Variants in GABRG3 observed in about 807,000 individuals in gnomAD.
The protein encoded by GABRG3 is gamma-aminobutyric acid receptor subunit gamma-3.
GABRG3 carries 25 observed loss-of-function variants against 48.8 expected under a neutral mutation model. The observed-to-expected ratio is 0.51, with a 90% CI of 0.37 to 0.72. GABRG3 has a LOEUF of 0.72. GABRG3 is among the 30% of genes least tolerant of loss of function. The pLI, the probability that GABRG3 is intolerant of heterozygous loss-of-function variation, is 0.00. For synonymous variants in GABRG3, 227 were observed against 217.6 expected (o/e 1.04, Z -0.38); for missense variants, 394 against 577.9 (o/e 0.68, Z 3.26).
chr15:27,065,438 G>A (rs558858063), intron 3 of GABRG3, among the ~76,000 whole-genome samples: 27 of 152,118 alleles, frequency 1.8e-4, no homozygotes, highest in African/African-American at 4.8e-4. Flanking sequence ...CTGGTTGGTC[G>A]GATGTTTCCC....
chr15:26,979,823 A>G (rs944670909), intron 2 of GABRG3, among the ~76,000 whole-genome samples: 1 of 152,100 alleles, frequency 6.6e-6, no homozygotes, highest in African/African-American at 2.4e-5. Flanking sequence ...TTAAGGGACT[A>G]TTTTTTTGAG....
At chr15:27,507,167 T>C (rs971991408) in intron 6 of GABRG3, among the ~76,000 whole-genome samples, 41 of 152,216 alleles carry the variant, frequency 2.7e-4, no homozygotes, top group African/African-American at 9.4e-4. Flanking sequence ...TTATTTGTAC[T>C]ATAGTCTAAG....
intron 3 of GABRG3, among the ~76,000 whole-genome samples, chr15:27,151,405 ATTGT>A (rs1406681844): frequency 3.3e-5 from 5 of 151,092 alleles, no homozygotes; most frequent in Non-Finnish European, 5.9e-5. Flanking sequence ...GATCCAGGTT[ATTGT>A]GAATATCAAT....
At chr15:27,423,242 TAAAAAAAAA>T (rs58007397) in intron 5 of GABRG3, among the ~76,000 whole-genome samples, 1 of 74,750 alleles carries the variant, frequency 1.3e-5, no homozygotes, top group African/African-American at 4.7e-5. Flanking sequence ...GTCATTATGA[TAAAAAAAAA>T]AAAAAAAAAA....
chr15:27,026,913 C>T lies in GABRG3; in HGVS notation c.270+92C>T, dbSNP rs17137552. The T allele has an allele frequency of 8.3e-3, 6,632 of 796,996 alleles. 311 individuals are homozygous for T. The African/African-American group carries it at 0.1, about 12-fold the overall frequency. 49.4% of individuals were successfully genotyped at this position (796,996 alleles called of 1,614,324 possible). A position where few individuals can be genotyped will look rare whatever the true frequency, so the allele number is the denominator to read the frequency against. On this transcript the variant is annotated intron_variant, in intron 3 of 9. Coordinates refer to ENST00000615808, the MANE Select transcript of GABRG3 (RefSeq NM_033223.5). ...GATTTCTGTTTGAGATTTATCATGC[C>T]GGTTTAAAACTCACACTGACTTCTT...
chr15:27,491,927 G>A (rs1254502955), intron 6 of GABRG3, among the ~76,000 whole-genome samples: 1 of 152,124 alleles, frequency 6.6e-6, no homozygotes, highest in Non-Finnish European at 1.5e-5. Flanking sequence ...CAATGCTACT[G>A]TTATTTACAG....
intron 3 of GABRG3, among the ~76,000 whole-genome samples, chr15:27,125,793 C>A (rs911167211): frequency 1.1e-4 from 17 of 152,242 alleles, no homozygotes; most frequent in African/African-American, 3.9e-4. Flanking sequence ...CACATAGCAA[C>A]TGGCCGCTGT....
At chr15:27,190,941 T>C (rs1476772299) in intron 3 of GABRG3, among the ~76,000 whole-genome samples, 1 of 152,218 alleles carries the variant, frequency 6.6e-6, no homozygotes, top group Non-Finnish European at 1.5e-5. Flanking sequence ...TTCTCGTTGG[T>C]TTCAAAGAAC....
chr15:27,498,114 T>C (rs550657419), intron 6 of GABRG3, among the ~76,000 whole-genome samples: 1 of 152,226 alleles, frequency 6.6e-6, no homozygotes, highest in Non-Finnish European at 1.5e-5. Context: ...ATTTATGTCT[T>C]GATTTGTCAT....
At chr15:27,406,024 G>A (rs931698820) in intron 5 of GABRG3, among the ~76,000 whole-genome samples, 4 of 152,154 alleles carry the variant, frequency 2.6e-5, no homozygotes, top group Admixed American at 2.6e-4. Flanking sequence ...CAGCCCAGTG[G>A]TGTGCACCTG....
At chr15:27,346,207 G>A (rs531981013) in intron 5 of GABRG3, among the ~76,000 whole-genome samples, 1 of 152,130 alleles carries the variant, frequency 6.6e-6, no homozygotes, top group Non-Finnish European at 1.5e-5. Context: ...TTGAATTCTA[G>A]TCTGGAGCTT....
intron 5 of GABRG3, among the ~76,000 whole-genome samples, chr15:27,437,764 G>T (rs1888663196): frequency 6.6e-6 from 1 of 152,184 alleles, no homozygotes; most frequent in African/African-American, 2.4e-5. Flanking sequence ...AGGTTTATTT[G>T]GCTCATGGTT....
At chr15:27,421,374 A>G (rs1365325548) in intron 5 of GABRG3, among the ~76,000 whole-genome samples, 2 of 152,264 alleles carry the variant, frequency 1.3e-5, no homozygotes, top group Admixed American at 6.5e-5. Context: ...AACCTATACA[A>G]TATTCCCCAA....
intron 3 of GABRG3, among the ~76,000 whole-genome samples, chr15:27,215,399 G>A (rs1441242999): frequency 6.6e-6 from 1 of 152,166 alleles, no homozygotes; most frequent in African/African-American, 2.4e-5. Context: ...TAAGGGCCAG[G>A]ATTGGAGAGA....
rs898255132 is a variant in GABRG3, at chr15:27,179,487, G to A, written c.271-147322G>A. ...CTGATTTTTGTGATACAATTTCGCT[G>A]GCTTTATGCTTGGTCTGGCTCTGAG... On this transcript the variant is annotated intron_variant, in intron 3 of 9. Coordinates refer to ENST00000615808, the MANE Select transcript of GABRG3 (RefSeq NM_033223.5). This position sits in a 1 kb window ranked among gnomAD's most constrained non-coding sequence, Gnocchi z 4.0. Among the ~76,000 whole-genome samples the A allele has an allele frequency of 6.6e-6, 1 of 152,118 alleles. No individual in the cohort carries two copies. Among genetic ancestry groups the A allele is most frequent in the Non-Finnish European group, 1.5e-5 (1 of 68,032 alleles).
chr15:26,980,570 T>C (rs1280253977), intron 2 of GABRG3, among the ~76,000 whole-genome samples: 1 of 151,192 alleles, frequency 6.6e-6, no homozygotes, highest in Non-Finnish European at 1.5e-5. Context: ...TCCCAGCTAC[T>C]GAGGAGGCTG....
At chr15:27,056,372 AAG>A (rs1255752706) in intron 3 of GABRG3, among the ~76,000 whole-genome samples, 172 of 148,124 alleles carry the variant, frequency 1.2e-3, no homozygotes, top group African/African-American at 2.4e-3. Context: ...AAAAAAAAAA[AAG>A]AAAAGAAAAA....
chr15:27,238,413 G>A (rs546855945), intron 3 of GABRG3, among the ~76,000 whole-genome samples: 3 of 152,356 alleles, frequency 2.0e-5, no homozygotes, highest in Non-Finnish European at 2.9e-5. Flanking sequence ...GGCGCAGTGC[G>A]TCATCACTGC....
chr15:27,462,805 G>T (rs1404908397), intron 5 of GABRG3, among the ~76,000 whole-genome samples: 1 of 152,088 alleles, frequency 6.6e-6, no homozygotes, highest in Non-Finnish European at 1.5e-5. Flanking sequence ...CCAGAAAGAT[G>T]ACAATAATGC....
Sources: allele counts gnomAD v4.1 joint callset (sites outside exome capture counted in the v4.1 genomes callset), GRCh38; gene constraint gnomAD v4.1.1; non-coding constraint Gnocchi (gnomAD v3.1); transcripts MANE v1.5; gene names NCBI Gene and HGNC (gene_info 2026-07-23, HGNC 2026-07-21).